The following SI variants were observed in gnomAD, a reference collection of about 807,000 sequenced individuals.
The protein encoded by SI is sucrase-isomaltase.
SI carries 235 observed loss-of-function variants against 253.3 expected under a neutral mutation model. That is an observed-to-expected ratio of 0.93 (90% CI 0.83 to 1.03). SI has a LOEUF of 1.03. Ranked by LOEUF, SI falls within the 50% of genes least tolerant of loss-of-function variation. SI has a pLI of 0.00. For synonymous variants in SI, 819 were observed against 712.0 expected, an observed-to-expected ratio of 1.15 and a Z score of -2.39; for missense variants, 2,442 against 2,211.1, an observed-to-expected ratio of 1.10 and a Z score of -2.09.
intron 3 of SI, among the ~76,000 whole-genome samples, chr3:165,071,949 A>T (rs969031465): frequency 6.6e-6 from 1 of 152,122 alleles, no homozygotes; most frequent in Non-Finnish European, 1.5e-5. Context: ...TGCACTTTGC[A>T]TGGAATTATG....
rs559180483 is a variant in SI, at chr3:165,008,444, A to C, written c.4180-446T>G. Among the ~76,000 whole-genome samples the C allele has an allele frequency of 1.7e-4, 26 of 152,062 alleles. No individual in the cohort carries two copies. In the East Asian group the frequency reaches 2.5e-3, roughly 15 times the overall value. On this transcript the variant is annotated intron_variant, in intron 35 of 47. Coordinates refer to ENST00000264382, the MANE Select transcript of SI (RefSeq NM_001041.4). The stretch of plus-strand genomic sequence containing the variant: ...CATATCTCAGAATCTCAGTAGTCAT[A>C]TTTAAAAGAATCATGATCTAAATAA...
At chr3:165,090,199 T>C in the SI span, among the ~76,000 whole-genome samples, 1 of 151,138 alleles carries the variant, frequency 6.6e-6, no homozygotes, top group Non-Finnish European at 1.5e-5. Flanking sequence ...GCATTGTCTC[T>C]GCCAGGTGAG....
chr3:164,998,800 G>T (rs1718135373), intron 37 of SI, 127 bp from the exon 38 acceptor site: 2 of 795,746 alleles, frequency 2.5e-6, no homozygotes, highest in Non-Finnish European at 4.2e-6. Flanking sequence ...ATTACAACTG[G>T]CTCTTGATAA....
At chr3:165,050,899 T>C (rs895363070) in intron 13 of SI, among the ~76,000 whole-genome samples, 2 of 152,068 alleles carry the variant, frequency 1.3e-5, no homozygotes, top group African/African-American at 4.8e-5. Context: ...CCCTTTAACC[T>C]TAACACTCCT....
chr3:165,047,191 A>G (rs1161829826), intron 15 of SI, among the ~76,000 whole-genome samples, 179 bp from the exon 16 acceptor site: 2 of 152,014 alleles, frequency 1.3e-5, no homozygotes, highest in Non-Finnish European at 2.9e-5. Context: ...ACCCGATGGG[A>G]GATGATTGAA....
At chr3:165,025,598 G>A (rs116466372) in intron 25 of SI, among the ~76,000 whole-genome samples, 1 of 151,024 alleles carries the variant, frequency 6.6e-6, no homozygotes, top group Non-Finnish European at 1.5e-5. Flanking sequence ...GAGCTGTGAG[G>A]CAAAAGCACT....
chr3:165,007,745 C>G (rs556109418), intron 36 of SI, among the ~76,000 whole-genome samples, 166 bp downstream of exon 36: 1 of 149,918 alleles, frequency 6.7e-6, no homozygotes, highest in South Asian at 2.1e-4. Context: ...TGTGTGAATC[C>G]TATTCCCTAC....
At chr3:165,025,103 C>T (rs73877382) in intron 25 of SI, among the ~76,000 whole-genome samples, 18,626 of 151,088 alleles carry the variant, frequency 0.12, 1,212 homozygotes, top group South Asian at 0.16. Flanking sequence ...TCCTCCTTGG[C>T]TAAAGTTTGT....
intron 46 of SI, 109 bp downstream of exon 46, chr3:164,982,893 C>T: frequency 5.6e-6 from 6 of 1,065,300 alleles, no homozygotes; most frequent in Non-Finnish European, 8.2e-6. Context: ...TCAAGCAATC[C>T]TCCCATGTCA....
At chr3:165,068,676 C>A in intron 5 of SI, 46 bp downstream of exon 5, 1 of 1,414,722 alleles carries the variant, frequency 7.1e-7, no homozygotes, top group South Asian at 1.2e-5. Flanking sequence ...CCCAGCCCAT[C>A]AAATGTCTTT....
At chr3:164,983,504 G>A (rs6788812) in intron 45 of SI, among the ~76,000 whole-genome samples, 37,315 of 152,128 alleles carry the variant, frequency 0.25, 7,813 homozygotes, top group African/African-American at 0.57. Flanking sequence ...AACAAATTCA[G>A]TAGTTAGAGA....
intron 22 of SI, among the ~76,000 whole-genome samples, chr3:165,034,501 T>C (rs1712420237): frequency 6.6e-6 from 1 of 151,964 alleles, no homozygotes; most frequent in Non-Finnish European, 1.5e-5. Context: ...AATCCACTTT[T>C]ACAAAACTTC....
At chr3:165,070,018 T>G (rs1714455015) in intron 3 of SI, among the ~76,000 whole-genome samples, 1 of 148,802 alleles carries the variant, frequency 6.7e-6, no homozygotes, top group Non-Finnish European at 1.5e-5. Context: ...TTCTCCTATT[T>G]TATCCTCAAA....
chr3:165,027,786 A>G (rs1712007029), intron 25 of SI, among the ~76,000 whole-genome samples: 1 of 151,366 alleles, frequency 6.6e-6, no homozygotes, highest in Non-Finnish European at 1.5e-5. Flanking sequence ...CAAGGGACAT[A>G]CTTCAACATA....
At chr3:164,993,446 AT>A (rs1717865312) in intron 41 of SI, among the ~76,000 whole-genome samples, 1 of 151,696 alleles carries the variant, frequency 6.6e-6, no homozygotes, top group Non-Finnish European at 1.5e-5. Flanking sequence ...TTCACTTCTT[AT>A]TTTGGTAAAT....
Position 165,074,808 on chromosome 3 carries a change from G to T in SI, c.119-141C>A, listed in dbSNP as rs1044150419. 18 of 670,854 alleles carry T rather than the reference G, an allele frequency of 2.7e-5. No homozygotes were observed. The African/African-American group carries it at 2.9e-4, about 11-fold the overall frequency. The allele number at this position is 670,854 out of a possible 1,614,324, so 41.6% of individuals were successfully genotyped here. A position where few individuals can be genotyped will look rare whatever the true frequency, so the allele number is the denominator to read the frequency against. Reference sequence around the variant, plus strand: ...TTAAAATAAATTTTGCATTTAAAAAGACCCACAATTTCAAGCACTAGTCAT... The same window carrying T: ...TTAAAATAAATTTTGCATTTAAAAATACCCACAATTTCAAGCACTAGTCAT... On this transcript the variant is annotated intron_variant, in intron 2 of 47. Coordinates refer to ENST00000264382, the MANE Select transcript of SI (RefSeq NM_001041.4).
intron 12 of SI, among the ~76,000 whole-genome samples, chr3:165,056,341 CA>C (rs1419083934): frequency 1.3e-5 from 2 of 151,956 alleles, no homozygotes; most frequent in East Asian, 1.9e-4. Context: ...GGCAGAGAGA[CA>C]GAGCAAAATG....
intron 2 of SI, among the ~76,000 whole-genome samples, chr3:165,075,624 A>G (rs531388063): frequency 6.6e-6 from 1 of 152,118 alleles, no homozygotes; most frequent in South Asian, 2.1e-4. Context: ...CCTTACATTA[A>G]CGATTTGATC....
chr3:165,063,914 CA>C (rs66516140), intron 7 of SI, among the ~76,000 whole-genome samples: 1 of 149,966 alleles, frequency 6.7e-6, no homozygotes, highest in Non-Finnish European at 1.5e-5. Context: ...ACTAAAAATA[CA>C]AAAAATTAGC....
Sources: allele counts gnomAD v4.1 joint callset (sites outside exome capture counted in the v4.1 genomes callset), GRCh38; gene constraint gnomAD v4.1.1; transcripts MANE v1.5; gene names NCBI Gene and HGNC (gene_info 2026-07-23, HGNC 2026-07-21).